Variants in FLVCR2 observed in about 807,000 individuals in gnomAD.
FLVCR2 encodes choline/ethanolamine transporter FLVCR2.
In FLVCR2, 38 loss-of-function variants were observed where a neutral mutation model predicts 48.9. The observed-to-expected ratio is 0.78, with a 90% CI of 0.60 to 1.02. The LOEUF is 1.02. FLVCR2 is among the 50% of genes least tolerant of loss of function. The pLI, the probability that FLVCR2 is intolerant of heterozygous loss-of-function variation, is 0.00. For missense variants in FLVCR2, 664 were observed against 663.3 expected (o/e 1.00, Z -0.01); for synonymous variants, 255 against 257.0 (o/e 0.99, Z 0.07).
intron 3 of FLVCR2, among the ~76,000 whole-genome samples, chr14:75,629,702 T>G (rs771473709): frequency 5.9e-5 from 9 of 152,246 alleles, no homozygotes; most frequent in Non-Finnish European, 1.0e-4. Flanking sequence ...GCATAACAAC[T>G]GCCCTGTTGA....
intron 1 of FLVCR2, among the ~76,000 whole-genome samples, chr14:75,584,366 GCTTTTTT>G (rs1278467029): frequency 6.6e-6 from 1 of 152,192 alleles, no homozygotes; most frequent in African/African-American, 2.4e-5. Flanking sequence ...AATTTTTGAA[GCTTTTTT>G]CTAACATCAG....
In FLVCR2 at chr14:75,584,732, ACT is replaced by A. The variant is rs138804385; in HGVS notation, c.669+5094_669+5095del. Among the ~76,000 whole-genome samples, 1,149 of 151,940 alleles carry A rather than the reference ACT, an allele frequency of 7.6e-3. 103 individuals are homozygous for A. In the East Asian group the frequency reaches 0.19, roughly 25 times the overall value. The stretch of plus-strand genomic sequence containing the variant: ...AGCGTGAGATTGGGCTAGAGAAAAA[ACT>A]CTTTCCCGTTCATCTGGGGAGAGGG... On this transcript the variant is annotated intron_variant, in intron 1 of 9. Coordinates refer to ENST00000238667, the MANE Select transcript of FLVCR2 (RefSeq NM_017791.3).
intron 1 of FLVCR2, among the ~76,000 whole-genome samples, chr14:75,601,606 C>T (rs992453651): frequency 3.3e-5 from 5 of 152,026 alleles, no homozygotes; most frequent in Non-Finnish European, 7.4e-5. Flanking sequence ...GGTGCAGCTG[C>T]TATGAAAACA....
At chr14:75,602,628 C>T (rs1025608867) in intron 1 of FLVCR2, among the ~76,000 whole-genome samples, 14 of 152,120 alleles carry the variant, frequency 9.2e-5, no homozygotes, top group African/African-American at 3.4e-4. Context: ...CAGTTACCTG[C>T]AGTAGAAACA....
chr14:75,578,791 G>A lies in FLVCR2; in HGVS notation c.-182G>A. ...AACAGAGAGCCCCAAGCAAAAGTGGGAGCAGGAGCTTGGAGGTGAGCACAG... is the reference window on the plus strand; with the variant it reads ...AACAGAGAGCCCCAAGCAAAAGTGGAAGCAGGAGCTTGGAGGTGAGCACAG... On this transcript the variant is annotated 5_prime_UTR_variant, in exon 1 of 10. Transcript: ENST00000238667. The A allele has an allele frequency of 1.6e-6, 1 of 643,488 alleles. No individual in the cohort carries two copies. Among genetic ancestry groups the A allele is most frequent in the Non-Finnish European group, 2.7e-6 (1 of 367,662 alleles). 39.9% of individuals were successfully genotyped at this position (643,488 alleles called of 1,614,324 possible).
rs533686295 is a variant in FLVCR2 at position 75,612,798 on chromosome 14, C to G, written c.670-9281C>G. Among the ~76,000 whole-genome samples the G allele has an allele frequency of 7.7e-4, 117 of 152,286 alleles. 1 individual carries two copies. Among genetic ancestry groups the G allele is most frequent in the South Asian group, 5.4e-3 (26 of 4,812 alleles). On this transcript the variant is annotated intron_variant, in intron 1 of 9. Coordinates refer to ENST00000238667, the MANE Select transcript of FLVCR2 (RefSeq NM_017791.3). ...CATCCGCAGACTCAGTCCCAAGACC[C>G]CCTGCCAAACCTCGACTACATGTCC... is the stretch of plus-strand genomic sequence containing the variant.
intron 1 of FLVCR2, among the ~76,000 whole-genome samples, chr14:75,613,277 G>A (rs188183781): frequency 3.3e-5 from 5 of 152,156 alleles, no homozygotes; most frequent in East Asian, 1.9e-4. Flanking sequence ...GACTTCTGGC[G>A]GGGCCTTAGG....
intron 1 of FLVCR2, among the ~76,000 whole-genome samples, chr14:75,588,079 A>G (rs997658552): frequency 2.6e-5 from 4 of 152,264 alleles, no homozygotes; most frequent in African/African-American, 9.6e-5. Context: ...CAGCCGCATT[A>G]AAGATGTAAA....
chr14:75,607,833 G>A (rs1232810359), intron 1 of FLVCR2, among the ~76,000 whole-genome samples: 1 of 152,196 alleles, frequency 6.6e-6, no homozygotes, highest in Non-Finnish European at 1.5e-5. Flanking sequence ...AGCACTTAGG[G>A]AGGTTGAGGT....
chr14:75,634,487 A>T (rs933311977), intron 4 of FLVCR2, among the ~76,000 whole-genome samples: 1 of 152,226 alleles, frequency 6.6e-6, no homozygotes, highest in Non-Finnish European at 1.5e-5. Context: ...TCAAAAATAT[A>T]TAACTATTAT....
At chr14:75,628,677 C>T (rs1889965861) in intron 3 of FLVCR2, among the ~76,000 whole-genome samples, 1 of 152,126 alleles carries the variant, frequency 6.6e-6, no homozygotes, top group African/African-American at 2.4e-5. Context: ...TCAGAGTTGG[C>T]TCATAAGAAA....
chr14:75,589,430 C>T (rs1361517524), intron 1 of FLVCR2, among the ~76,000 whole-genome samples: 1 of 152,208 alleles, frequency 6.6e-6, no homozygotes, highest in Non-Finnish European at 1.5e-5. Flanking sequence ...AAGAAGGGCA[C>T]ACTGGGGAAG....
chr14:75,616,087 T>C (rs1039307101), intron 1 of FLVCR2, among the ~76,000 whole-genome samples: 1 of 140,136 alleles, frequency 7.1e-6, no homozygotes, highest in African/African-American at 2.6e-5. Flanking sequence ...ACCTGTAATC[T>C]CAATATTTTG....
rs570752835 is a variant in FLVCR2, at chr14:75,626,021, G to A, written c.952+1269G>A. Among the ~76,000 whole-genome samples, 13 of 151,928 alleles carry A rather than the reference G, an allele frequency of 8.6e-5. No individual in the cohort carries two copies. In the South Asian group the frequency reaches 2.5e-3, roughly 29 times the overall value. ...TTTTCTTTTTTTTAAGACAGAGTTT[G>A]CCTCTTTTTGCCCACACTGGAGTGC... On this transcript the variant is annotated intron_variant, in intron 3 of 9. Coordinates refer to ENST00000238667, the MANE Select transcript of FLVCR2 (RefSeq NM_017791.3).
intron 1 of FLVCR2, among the ~76,000 whole-genome samples, chr14:75,584,099 G>T (rs950212785): frequency 6.6e-6 from 1 of 152,150 alleles, no homozygotes; most frequent in Admixed American, 6.5e-5. Flanking sequence ...CCCGGGCTGC[G>T]GGCATTCTGA....
Position 75,624,631 on chromosome 14 carries a change from A to G in FLVCR2, c.831A>G (p.Lys277=). Residue 277 remains lysine (K), a synonymous_variant, in exon 3 of 10, where the codon AAA becomes AAG. Coordinates refer to ENST00000238667, the MANE Select transcript of FLVCR2 (RefSeq NM_017791.3). ...LVIIVFKEKP[K]YPPSRAQSLS... ...TTTCAGTGTTCAAGGAGAAACCTAA[A>G]TATCCCCCCAGCAGGGCCCAATCCC... 1.9e-6 allele frequency: 3 copies of G among 1,614,044 alleles called. No homozygotes were observed. The highest frequency in any genetic ancestry group is 2.5e-6 in the Non-Finnish European group (3 of 1,179,978).
At chr14:75,585,680 C>T (rs570976332) in intron 1 of FLVCR2, among the ~76,000 whole-genome samples, 1 of 152,220 alleles carries the variant, frequency 6.6e-6, no homozygotes, top group African/African-American at 2.4e-5. Context: ...GGTGGTCAGA[C>T]ACCAATGGAG....
intron 1 of FLVCR2, 77 bp from the exon 2 acceptor site, chr14:75,622,002 T>G: frequency 1.4e-6 from 2 of 1,441,076 alleles, no homozygotes; most frequent in Non-Finnish European, 2.0e-6. Flanking sequence ...AGATTTCTTA[T>G]TAGGAATCTC....
intron 3 of FLVCR2, among the ~76,000 whole-genome samples, chr14:75,628,917 A>G (rs1381455621): frequency 2.0e-5 from 3 of 152,240 alleles, no homozygotes; most frequent in Non-Finnish European, 4.4e-5. Context: ...CCAGACTGCA[A>G]TGCTATTGCA....
Sources: allele counts gnomAD v4.1 joint callset (sites outside exome capture counted in the v4.1 genomes callset), GRCh38; gene constraint gnomAD v4.1.1; transcripts MANE v1.5; gene names NCBI Gene and HGNC (gene_info 2026-07-23, HGNC 2026-07-21).